UFL1: variants seen among roughly 807,000 people sequenced by gnomAD.
The protein encoded by UFL1 is E3 UFM1-protein ligase 1.
Under a neutral mutation model 99.3 loss-of-function variants are expected in UFL1, and 78 were observed. The observed-to-expected ratio is 0.79, with a 90% CI of 0.65 to 0.95. UFL1 has a LOEUF of 0.95. UFL1 is among the 40% of genes least tolerant of loss of function. The pLI, the probability that UFL1 is intolerant of heterozygous loss-of-function variation, is 0.00. For synonymous variants in UFL1, 335 were observed against 322.2 expected, an observed-to-expected ratio of 1.04 and a Z score of -0.42; for missense variants, 936 against 937.0, an observed-to-expected ratio of 1.00 and a Z score of 0.01.
intron 6 of UFL1, among the ~76,000 whole-genome samples, chr6:96,532,225 G>T (rs1467661247): frequency 6.6e-6 from 1 of 152,170 alleles, no homozygotes; most frequent in East Asian, 1.9e-4. Flanking sequence ...CAATAAGCTA[G>T]GTACCTAGAC....
At chr6:96,548,066 T>G (rs962232075) in intron 12 of UFL1, 98 bp from the exon 13 acceptor site, 44 of 750,448 alleles carry the variant, frequency 5.9e-5, no homozygotes, top group Non-Finnish European at 8.5e-5. Context: ...AATGAATGAA[T>G]TATTGTCTTA....
intron 6 of UFL1, among the ~76,000 whole-genome samples, chr6:96,530,433 T>A (rs1316665901): frequency 6.6e-6 from 1 of 152,222 alleles, no homozygotes; most frequent in Non-Finnish European, 1.5e-5. Flanking sequence ...AGATACCAGC[T>A]AGGCTTGTAA....
intron 11 of UFL1, among the ~76,000 whole-genome samples, chr6:96,541,986 G>T: frequency 6.6e-6 from 1 of 150,868 alleles, no homozygotes. Flanking sequence ...GAAATCTAAG[G>T]CAAATCTATT....
Position 96,552,465 on chromosome 6 carries a change from C to CTTTTT in UFL1, c.1986-7_1986-3dup. 7.5e-7 allele frequency: 1 copy of CTTTTT among 1,325,476 alleles called. No individual in the cohort carries two copies. The highest frequency in any genetic ancestry group is 1.0e-6 in the Non-Finnish European group (1 of 996,008). The allele number at this position is 1,325,476 out of a possible 1,614,324, so 82.1% of individuals were successfully genotyped here. A position where few individuals can be genotyped will look rare whatever the true frequency, so the allele number is the denominator to read the frequency against. ...TAAATTATGATAATGAATTTGTGTG[C>CTTTTT]TTTTTTTTTTTTTTAGACAGATACT... On this transcript the variant is annotated splice_polypyrimidine_tract_variant and intron_variant, in intron 17 of 18. Coordinates refer to ENST00000369278, the MANE Select transcript of UFL1 (RefSeq NM_015323.5).
intron 13 of UFL1, among the ~76,000 whole-genome samples, chr6:96,548,591 G>C (rs545209582): frequency 9.2e-5 from 14 of 151,592 alleles, no homozygotes; most frequent in Non-Finnish European, 2.1e-4. Context: ...CCACTGGCTG[G>C]TCTCTTCTAT....
chr6:96,521,893 A>T lies in UFL1; in HGVS notation c.20A>T (p.Glu7Val). The change falls in exon 1 of 19, where the codon GAG becomes GTG. Residue 7 changes from glutamate to valine, a missense_variant. Coordinates refer to ENST00000369278, the MANE Select transcript of UFL1 (RefSeq NM_015323.5). MADAWE[E>V]IRRLAADFQR... is the part of the protein sequence containing the mutation. Reference sequence around the variant, plus strand: ...GCCGTGATGGCGGACGCCTGGGAAGAGATTAGGCGGTTGGCGGCCGACTTC... The same window carrying T: ...GCCGTGATGGCGGACGCCTGGGAAGTGATTAGGCGGTTGGCGGCCGACTTC... 1 of 1,612,718 alleles carries T rather than the reference A, an allele frequency of 6.2e-7. No individual in the cohort carries two copies. The highest frequency in any genetic ancestry group is 8.5e-7 in the Non-Finnish European group (1 of 1,179,628).
intron 15 of UFL1, 125 bp downstream of exon 15, chr6:96,549,924 CTA>C (rs956455683): frequency 8.8e-6 from 12 of 1,361,672 alleles, no homozygotes; most frequent in Admixed American, 2.5e-5. Context: ...GGAAAAAAAT[CTA>C]AAAGTTTTTT....
At chr6:96,552,432 G>T in intron 17 of UFL1, 50 bp from the exon 18 acceptor site, 3 of 1,486,690 alleles carry the variant, frequency 2.0e-6, no homozygotes, top group Non-Finnish European at 2.7e-6. Flanking sequence ...AAATTGGTGA[G>T]AACTTCTTAA....
intron 6 of UFL1, 104 bp from the exon 7 acceptor site, chr6:96,534,159 T>A: frequency 1.4e-6 from 1 of 731,044 alleles, no homozygotes; most frequent in Non-Finnish European, 1.9e-6. Context: ...ATTTTTTCTT[T>A]TAAACAGTAT....
At chr6:96,526,533 C>T (rs1016374622) in intron 5 of UFL1, 98 bp downstream of exon 5, 3 of 941,844 alleles carry the variant, frequency 3.2e-6, no homozygotes, top group Non-Finnish European at 4.9e-6. Flanking sequence ...ACTTCCTCAC[C>T]ATCATTTGAT....
rs749743876 is a variant in UFL1, at chr6:96,526,397, T to C, written c.427T>C (p.Cys143Arg). The change falls in exon 5 of 19, where the codon TGT (cysteine) becomes CGT (arginine). Residue 143 changes from cysteine (C) to arginine (R), a missense_variant. Transcript: ENST00000369278. ...ESGQVTISELCKTYDLPGNFL... is the reference protein window; with the variant it reads ...ESGQVTISELRKTYDLPGNFL... ...TGGTCAGGTCACCATATCAGAACTG[T>C]GTAAAACTTATGATCTTCCTGGGAA... 1 of 1,612,858 alleles carries C rather than the reference T, an allele frequency of 6.2e-7. No homozygotes were observed. The highest frequency in any genetic ancestry group is 8.5e-7 in the Non-Finnish European group (1 of 1,179,678).
chr6:96,549,941 A>G, intron 15 of UFL1, 142 bp downstream of exon 15: 1 of 1,134,488 alleles, frequency 8.8e-7, no homozygotes, highest in Non-Finnish European at 1.2e-6. Flanking sequence ...TTTTTTATTC[A>G]ACTTTAGTAC....
chr6:96,549,484 G>A lies in UFL1; in HGVS notation c.1593G>A (p.Thr531=), dbSNP rs139773222. Residue 531 remains threonine (T), a synonymous_variant, in exon 14 of 19, where the codon ACG becomes ACA. Transcript: ENST00000369278. ...FMSSTTSASG[T]GRKRTIKDLQ... is the part of the protein sequence containing the mutation. ...CTTCAACAACTTCTGCTTCTGGGAC[G>A]GGCAGAAAACGCACAATCAAGGACT... 145 of 1,591,026 alleles carry A rather than the reference G, an allele frequency of 9.1e-5. No homozygotes were observed. The African/African-American group carries it at 1.7e-3, about 19-fold the overall frequency.
intron 11 of UFL1, among the ~76,000 whole-genome samples, 171 bp from the exon 12 acceptor site, chr6:96,542,723 G>A (rs1769948111): frequency 6.6e-6 from 1 of 151,004 alleles, no homozygotes. Flanking sequence ...TTTATGTATT[G>A]GATTTACTAA....
intron 6 of UFL1, among the ~76,000 whole-genome samples, chr6:96,532,526 T>G (rs1212007452): frequency 1.3e-5 from 2 of 152,194 alleles, no homozygotes; most frequent in African/African-American, 4.8e-5. Flanking sequence ...ATGAATAGAT[T>G]AATGCCCTCC....
rs1310995149 is a variant in UFL1 at position 96,538,687 on chromosome 6, G to A, written c.1035G>A (p.Val345=). 1.2e-6 allele frequency: 2 copies of A among 1,611,648 alleles called. No homozygotes were observed. Among genetic ancestry groups the A allele is most frequent in the South Asian group, 1.1e-5 (1 of 91,026 alleles). ...ATGCTGCCATATTGCTTCAGCAGGTGATGAGGGCATTCAGCAAACAGGCCT... is the reference window on the plus strand; with the variant it reads ...ATGCTGCCATATTGCTTCAGCAGGTAATGAGGGCATTCAGCAAACAGGCCT... ...VEDAAILLQQ[V]MRAFSKQAST... is the part of the protein sequence containing the mutation. Residue 345 remains valine, a synonymous_variant, in exon 10 of 19, where the codon GTG becomes GTA. Coordinates refer to ENST00000369278, the MANE Select transcript of UFL1 (RefSeq NM_015323.5).
chr6:96,526,509 G>A, intron 5 of UFL1, 74 bp downstream of exon 5: 2 of 1,209,060 alleles, frequency 1.7e-6, no homozygotes, highest in African/African-American at 1.6e-5. Flanking sequence ...ATGGAAGGGG[G>A]AAAAAAAAAT....
chr6:96,553,480 A>G lies in UFL1; in HGVS notation c.2362A>G (p.Lys788Glu), dbSNP rs1244983460. 1.9e-6 allele frequency: 3 copies of G among 1,613,446 alleles called. No homozygotes were observed. Among genetic ancestry groups the G allele is most frequent in the Non-Finnish European group, 2.5e-6 (3 of 1,179,694 alleles). Residue 788 changes from lysine to glutamate, a missense_variant, in exon 19 of 19, where the codon AAA becomes GAA. Physicochemically the swap from Lys to Glu is moderately conservative, Grantham distance 56 (BLOSUM62 1). Coordinates refer to ENST00000369278, the MANE Select transcript of UFL1 (RefSeq NM_015323.5). Reference protein sequence around the residue: ...SIKDLVLKSRKSSVTEE With the variant: ...SIKDLVLKSRESSVTEE The stretch of plus-strand genomic sequence containing the variant: ...TAAAGACCTTGTTCTCAAATCTAGG[A>G]AATCATCTGTGACGGAAGAGTAATG...
chr6:96,523,006 G>A, intron 1 of UFL1, 140 bp from the exon 2 acceptor site: 1 of 723,992 alleles, frequency 1.4e-6, no homozygotes, highest in Middle Eastern at 2.7e-4. Context: ...GAATCAGTTA[G>A]TGAAAAATAC....
Sources: gnomAD v4.1 joint callset for allele counts (sites outside exome capture counted in the v4.1 genomes callset) on GRCh38, gnomAD v4.1.1 for gene constraint, MANE v1.5 for transcripts, NCBI Gene and HGNC (gene_info 2026-07-23, HGNC 2026-07-21) for gene names.